The following OPHN1 variants were observed in gnomAD, a reference collection of about 807,000 sequenced individuals.
OPHN1 encodes oligophrenin 1.
In OPHN1, 11 loss-of-function variants were observed where a neutral mutation model predicts 60.7. That is an observed-to-expected ratio of 0.18 (90% confidence interval 0.11 to 0.30). OPHN1 has a LOEUF of 0.30. Ranked by LOEUF, OPHN1 falls within the 10% of genes least tolerant of loss-of-function variation. The pLI is 1.00. For synonymous variants in OPHN1, 226 were observed against 222.6 expected, an observed-to-expected ratio of 1.02 and a Z score of -0.14; for missense variants, 449 against 611.0, an observed-to-expected ratio of 0.73 and a Z score of 2.80.
At chrX:68,079,068 A>G (rs1188558317) in intron 19 of OPHN1, among the ~76,000 whole-genome samples, 1 of 111,114 alleles carries the variant, frequency 9.0e-6, no homozygotes, top group Non-Finnish European at 1.9e-5. Context: ...TGACAAACTC[A>G]TTGACATCCA....
intron 2 of OPHN1, among the ~76,000 whole-genome samples, chrX:68,422,031 T>C (rs754564008): frequency 2.7e-5 from 3 of 111,109 alleles, no homozygotes; most frequent in African/African-American, 9.8e-5. Flanking sequence ...GTATTGCCAT[T>C]ATTCTATGAC....
At chrX:68,051,792 A>G (rs1005713714) in intron 23 of OPHN1, among the ~76,000 whole-genome samples, 6 of 112,612 alleles carry the variant, frequency 5.3e-5, no homozygotes, top group Non-Finnish European at 1.1e-4. Context: ...GTGCACAGAC[A>G]TATGTGCTTG....
chrX:68,211,750 TGA>T (rs2077585587), intron 8 of OPHN1, among the ~76,000 whole-genome samples: 1 of 111,663 alleles, frequency 9.0e-6, no homozygotes, highest in African/African-American at 3.3e-5. Flanking sequence ...AAGTCTACAG[TGA>T]GAGTGTTTTG....
chrX:68,248,952 G>A (rs2077820154), intron 5 of OPHN1, among the ~76,000 whole-genome samples: 1 of 111,994 alleles, frequency 8.9e-6, no homozygotes, highest in African/African-American at 3.2e-5. Flanking sequence ...GCTGGGAAAG[G>A]TAGTGGAGGG....
chrX:68,126,450 A>AT (rs1167087086), intron 15 of OPHN1, among the ~76,000 whole-genome samples: 2,542 of 104,860 alleles, frequency 0.024, 80 homozygotes, highest in African/African-American at 0.081. Context: ...CTGCAATTCA[A>AT]TTTTTTTTTT....
chrX:68,228,003 G>T (rs777304386), intron 6 of OPHN1, among the ~76,000 whole-genome samples: 24 of 111,320 alleles, frequency 2.2e-4, no homozygotes, highest in African/African-American at 7.8e-4. Context: ...AGAATTGATA[G>T]ACTGCTAGCA....
At chrX:68,189,351 C>CT (rs754382967) in intron 15 of OPHN1, among the ~76,000 whole-genome samples, 63 of 111,522 alleles carry the variant, frequency 5.6e-4, no homozygotes, top group Admixed American at 2.1e-3. Flanking sequence ...ATGATTTAAA[C>CT]TTTTTTTTAA....
chrX:68,424,455 A>G (rs1418370307), intron 2 of OPHN1, among the ~76,000 whole-genome samples: 1 of 110,989 alleles, frequency 9.0e-6, no homozygotes, highest in Non-Finnish European at 1.9e-5. Context: ...AAGGATCATG[A>G]GGGCCTTCCA....
intron 15 of OPHN1, among the ~76,000 whole-genome samples, chrX:68,167,896 A>T (rs1474096690): frequency 9.0e-6 from 1 of 111,267 alleles, no homozygotes; most frequent in Admixed American, 9.7e-5. Flanking sequence ...ATGGAGTATG[A>T]TTCAGAATGA....
Position 68,235,995 on chromosome X carries a change from G to A in OPHN1, c.385-1407C>T, listed in dbSNP as rs1020972060. 2.7e-5 allele frequency among the ~76,000 whole-genome samples: 3 copies of A among 111,238 alleles called. No homozygotes were observed. The East Asian group carries it at 8.4e-4, about 31-fold the overall frequency. ...CCAGGCACTATGATAGACACTTAAA[G>A]TCTATTATCTCATTTAGACTTTACA... On this transcript the variant is annotated intron_variant, in intron 5 of 24. Coordinates refer to ENST00000355520, the MANE Select transcript of OPHN1 (RefSeq NM_002547.3).
At chrX:68,267,876 C>T (rs1010379560) in intron 5 of OPHN1, among the ~76,000 whole-genome samples, 11 of 111,837 alleles carry the variant, frequency 9.8e-5, no homozygotes, top group Non-Finnish European at 2.1e-4. Context: ...CACAGAAATA[C>T]AAACTACCAT....
rs1217971498 is a variant in OPHN1 at position 68,218,702 on chromosome X, T to A, written c.487-4730A>T. Among the ~76,000 whole-genome samples, 5 of 99,626 alleles carry A rather than the reference T, an allele frequency of 5.0e-5. No homozygotes were observed. In the East Asian group the frequency reaches 1.6e-3, roughly 32 times the overall value. The allele number at this position is 99,626 out of a possible 115,157, so 86.5% of individuals were successfully genotyped here. The stretch of plus-strand genomic sequence containing the variant: ...CTAAGCTTCATAAGTGAAGGAGAAA[T>A]AAAATACTTTACAGACAAGCAAATG... On this transcript the variant is annotated intron_variant, in intron 6 of 24. Transcript: ENST00000355520.
intron 21 of OPHN1, among the ~76,000 whole-genome samples, chrX:68,054,450 T>C (rs1350134547): frequency 2.7e-5 from 3 of 111,277 alleles, no homozygotes; most frequent in African/African-American, 9.8e-5. Flanking sequence ...TCAAGGATTC[T>C]GGAACAATGT....
At chrX:68,375,883 G>A (rs1402213569) in intron 2 of OPHN1, among the ~76,000 whole-genome samples, 2 of 110,819 alleles carry the variant, frequency 1.8e-5, no homozygotes, top group Admixed American at 9.7e-5. Context: ...GAGATGAAAC[G>A]ACTTATTTCC....
At chrX:68,210,035 G>T in intron 9 of OPHN1, 118 bp downstream of exon 9, 1 of 733,085 alleles carries the variant, frequency 1.4e-6, no homozygotes, top group Non-Finnish European at 2.1e-6. Context: ...TGCGTTCCAA[G>T]GGAATTTTAG....
intron 5 of OPHN1, among the ~76,000 whole-genome samples, chrX:68,238,322 G>GT (rs1186392920): frequency 9.1e-6 from 1 of 110,275 alleles, no homozygotes; most frequent in African/African-American, 3.3e-5. Context: ...CTAGCCTTCT[G>GT]TTTGAGGACC....
chrX:68,267,476 C>T (rs988574799), intron 5 of OPHN1, among the ~76,000 whole-genome samples: 9 of 111,951 alleles, frequency 8.0e-5, no homozygotes, highest in Non-Finnish European at 1.5e-4. Flanking sequence ...TTCTTTGAAA[C>T]CAATGAGAAC....
At chrX:68,418,533 C>T (rs1038061076) in intron 2 of OPHN1, among the ~76,000 whole-genome samples, 5 of 111,318 alleles carry the variant, frequency 4.5e-5, no homozygotes, top group African/African-American at 9.8e-5. Flanking sequence ...GGCCCAGAGA[C>T]GCAGACTTCC....
At chrX:68,301,606 G>T (rs1035856056) in intron 2 of OPHN1, among the ~76,000 whole-genome samples, 1 of 111,399 alleles carries the variant, frequency 9.0e-6, no homozygotes, top group Non-Finnish European at 1.9e-5. Flanking sequence ...AGACTACAAA[G>T]AATCCATAGA....
Sources: gnomAD v4.1 joint callset for allele counts (sites outside exome capture counted in the v4.1 genomes callset) on GRCh38, gnomAD v4.1.1 for gene constraint, MANE v1.5 for transcripts, NCBI Gene and HGNC (gene_info 2026-07-23, HGNC 2026-07-21) for gene names.